Variants in GRB10 observed in about 807,000 individuals in gnomAD.
The protein encoded by GRB10 is growth factor receptor-bound protein 10.
In GRB10, 20 loss-of-function variants were observed where a neutral mutation model predicts 80.9. The ratio of observed to expected loss-of-function variants is 0.25; its 90% CI spans 0.17 to 0.36. The LOEUF is 0.36. Among genes scored for constraint, GRB10 ranks in the 10% least tolerant of loss-of-function variants. The pLI is 1.00. For synonymous variants in GRB10, 291 were observed against 291.5 expected (o/e 1.00, Z 0.02); for missense variants, 548 against 747.7 (o/e 0.73, Z 3.12).
In GRB10 at chr7:50,604,373, C is replaced by T. The variant is rs924140952; in HGVS notation, c.1394G>A (p.Arg465Gln). ...ALEEGHAWRKRSTRMNILGSQ... is the reference protein window; with the variant it reads ...ALEEGHAWRKQSTRMNILGSQ... The stretch of plus-strand genomic sequence containing the variant: ...ACCTAGGATGTTCATCCGTGTGCTT[C>T]GCTTCTGCAAAAGAAATCCCACATT... Residue 465 changes from arginine (R) to glutamine (Q), a missense_variant, in exon 16 of 19, where the codon CGA becomes CAA. Coordinates refer to ENST00000401949, the MANE Select transcript of GRB10 (RefSeq NM_001350814.2). 2.5e-6 allele frequency: 4 copies of T among 1,612,472 alleles called. No homozygotes were observed. The highest frequency in any genetic ancestry group is 1.1e-5 in the South Asian group (1 of 91,020).
At chr7:50,766,876 T>C (rs560163079) in intron 2 of GRB10, among the ~76,000 whole-genome samples, 1 of 152,306 alleles carries the variant, frequency 6.6e-6, no homozygotes, top group African/African-American at 2.4e-5. Context: ...GTAATGTCTA[T>C]ATAAACATGA....
chr7:50,728,657 C>A (rs1193413642), intron 4 of GRB10, among the ~76,000 whole-genome samples: 1 of 152,158 alleles, frequency 6.6e-6, no homozygotes, highest in African/African-American at 2.4e-5. Flanking sequence ...ACCCAATGGC[C>A]AAGTTCCAAT....
chr7:50,597,999 GACTA>G (rs1336443601), intron 17 of GRB10, among the ~76,000 whole-genome samples: 2 of 151,248 alleles, frequency 1.3e-5, no homozygotes, highest in African/African-American at 4.9e-5. Context: ...AAGTAGCTGG[GACTA>G]CAGGTGCCCG....
At chr7:50,783,629 A>G, upstream of GRB10, among the ~76,000 whole-genome samples, 1 of 152,180 alleles carries the variant, frequency 6.6e-6, no homozygotes, top group Non-Finnish European at 1.5e-5. Flanking sequence ...GGAGATATTC[A>G]CTGCCGTTTA....
intron 5 of GRB10, among the ~76,000 whole-genome samples, chr7:50,685,331 C>A (rs916938845): frequency 6.6e-6 from 1 of 152,182 alleles, no homozygotes; most frequent in Non-Finnish European, 1.5e-5. Context: ...CAAGAAAGGA[C>A]AGGAAACTGT....
In GRB10 at chr7:50,755,980, G is replaced by A. The variant is rs1310764166; in HGVS notation, c.-140C>T. 2 of 398,742 alleles carry A rather than the reference G, an allele frequency of 5.0e-6. No individual in the cohort carries two copies. The highest frequency in any genetic ancestry group is 4.1e-5 in the African/African-American group (2 of 48,610). The allele number at this position is 398,742 out of a possible 1,614,324, so 24.7% of individuals were successfully genotyped here. A position where few individuals can be genotyped will look rare whatever the true frequency, so the allele number is the denominator to read the frequency against. On this transcript the variant is annotated 5_prime_UTR_variant, in exon 3 of 19. Coordinates refer to ENST00000401949, the MANE Select transcript of GRB10 (RefSeq NM_001350814.2). ...GTGAGGACCTGGCTGCCGGTCACTG[G>A]GCTGCTGGTCACTGAGCTACCAGTC...
chr7:50,702,417 G>A (rs192206812), intron 5 of GRB10, among the ~76,000 whole-genome samples: 54 of 152,214 alleles, frequency 3.5e-4, no homozygotes, highest in Non-Finnish European at 3.5e-4. Context: ...GCCCTGAGGA[G>A]ACAGCACTAT....
At chr7:50,664,594 A>G (rs1367159691) in intron 7 of GRB10, among the ~76,000 whole-genome samples, 1 of 152,114 alleles carries the variant, frequency 6.6e-6, no homozygotes, top group Admixed American at 6.5e-5. Flanking sequence ...GGCCAGCTCC[A>G]GGCACACTGC....
intron 7 of GRB10, among the ~76,000 whole-genome samples, chr7:50,665,643 G>A (rs1357083551): frequency 2.0e-5 from 3 of 152,236 alleles, no homozygotes; most frequent in East Asian, 1.9e-4. Flanking sequence ...GGGTAGCAAC[G>A]AGCCTGGGTG....
In GRB10 at chr7:50,591,633, GCCA is replaced by G. The variant is rs2045855692; in HGVS notation, c.*1316_*1318del. On this transcript the variant is annotated 3_prime_UTR_variant, in exon 19 of 19. Transcript: ENST00000401949. ...CGGAGGGGACCAAGTGACAACTCAAGCCACCATCTGACTCATCTCCCGGAGCGG... is the reference window on the plus strand; with the variant it reads ...CGGAGGGGACCAAGTGACAACTCAAGCCATCTGACTCATCTCCCGGAGCGG... 1 of 152,292 alleles carries G rather than the reference GCCA, an allele frequency of 6.6e-6. No individual in the cohort carries two copies. Among genetic ancestry groups the G allele is most frequent in the African/African-American group, 2.4e-5 (1 of 41,456 alleles). The allele number at this position is 152,292 out of a possible 1,614,324, so 9.4% of individuals were successfully genotyped here. A position where few individuals can be genotyped will look rare whatever the true frequency, so the allele number is the denominator to read the frequency against.
chr7:50,694,044 G>A (rs1002419973), intron 5 of GRB10, among the ~76,000 whole-genome samples: 3 of 152,146 alleles, frequency 2.0e-5, no homozygotes, highest in Admixed American at 2.0e-4. Flanking sequence ...GGACCACTTC[G>A]TCTGTGGTCA....
In GRB10 at chr7:50,605,323, C is replaced by G. The variant is rs759390821; in HGVS notation, c.1356G>C (p.Gln452His). Reference protein sequence around the residue: ...GRVIENPAEAQSAALEEGHAW... With the variant: ...GRVIENPAEAHSAALEEGHAW... ...CGTGGCCCTCCTCCAGGGCTGCGCT[C>G]TGGGCCTCTGCCGGATTCTCTATCA... The change falls in exon 15 of 19, where the codon CAG becomes CAC. Residue 452 changes from glutamine to histidine, a missense_variant. Physicochemically the swap from Gln to His is conservative, Grantham distance 24 (BLOSUM62 0). This residue lies in a region of GRB10 where 270 missense variants were observed against 433.6 expected (regional missense o/e 0.62). Transcript: ENST00000401949. The G allele has an allele frequency of 1.6e-5, 26 of 1,614,022 alleles. No homozygotes were observed. Among genetic ancestry groups the G allele is most frequent in the Non-Finnish European group, 1.4e-5 (17 of 1,180,034 alleles).
chr7:50,616,813 C>G (rs2050733591), intron 10 of GRB10, among the ~76,000 whole-genome samples: 1 of 152,246 alleles, frequency 6.6e-6, no homozygotes, highest in South Asian at 2.1e-4. Flanking sequence ...CCCCCTGTTC[C>G]AGCTAACTCT....
intron 4 of GRB10, among the ~76,000 whole-genome samples, chr7:50,724,507 C>T (rs889629536): frequency 2.6e-5 from 4 of 152,162 alleles, no homozygotes; most frequent in African/African-American, 9.7e-5. Context: ...AAGAGACCTT[C>T]CTTCAAAAAA....
chr7:50,682,403 G>A (rs1403959249), intron 5 of GRB10, among the ~76,000 whole-genome samples: 1 of 152,216 alleles, frequency 6.6e-6, no homozygotes, highest in Non-Finnish European at 1.5e-5. Context: ...AGTCATTAAC[G>A]TGCCCTCAGG....
At chr7:50,733,966 T>G (rs552731651) in intron 3 of GRB10, among the ~76,000 whole-genome samples, 1 of 152,234 alleles carries the variant, frequency 6.6e-6, no homozygotes, top group Non-Finnish European at 1.5e-5. Flanking sequence ...AAACTCCTGC[T>G]TGAGTTTCCA....
At chr7:50,675,544 G>A (rs918354821) in intron 5 of GRB10, among the ~76,000 whole-genome samples, 1 of 152,204 alleles carries the variant, frequency 6.6e-6, no homozygotes, top group Non-Finnish European at 1.5e-5. Flanking sequence ...ATGTGAGAGT[G>A]CCTCAGCCCA....
chr7:50,673,997 G>A (rs2060628822), intron 6 of GRB10, among the ~76,000 whole-genome samples: 1 of 152,152 alleles, frequency 6.6e-6, no homozygotes, highest in African/African-American at 2.4e-5. Flanking sequence ...AGAGGAATGT[G>A]GCAAAATGCA....
chr7:50,714,514 T>C (rs4947806), intron 4 of GRB10, among the ~76,000 whole-genome samples: 92,495 of 151,812 alleles, frequency 0.61, 31,325 homozygotes, highest in Middle Eastern at 0.86. Flanking sequence ...ATACAAAAAA[T>C]TAGACGGGTG....
Sources: allele counts gnomAD v4.1 joint callset (sites outside exome capture counted in the v4.1 genomes callset), GRCh38; gene constraint gnomAD v4.1.1; regional missense constraint gnomAD v4.1.1; transcripts MANE v1.5; gene names NCBI Gene and HGNC (gene_info 2026-07-23, HGNC 2026-07-21).